Variants in LHFPL6 observed in about 807,000 individuals in gnomAD.
The protein encoded by LHFPL6 is LHFPL tetraspan subfamily member 6 protein.
LHFPL6 carries 9 observed loss-of-function variants against 20.6 expected under a neutral mutation model. That is an observed-to-expected ratio of 0.44 (90% CI 0.26 to 0.76). LHFPL6 has a LOEUF of 0.76. Among genes scored for constraint, LHFPL6 ranks in the 30% least tolerant of loss-of-function variants. The pLI is 0.20. For missense variants in LHFPL6, 218 were observed against 253.5 expected, an observed-to-expected ratio of 0.86 and a Z score of 0.95; for synonymous variants, 105 against 98.7, an observed-to-expected ratio of 1.06 and a Z score of -0.38.
intron 2 of LHFPL6, among the ~76,000 whole-genome samples, chr13:39,467,127 T>C (rs1441780657): frequency 1.3e-5 from 2 of 152,152 alleles, no homozygotes; most frequent in African/African-American, 4.8e-5. Flanking sequence ...TCCATCTTCT[T>C]TGTGTCCCCA....
chr13:39,585,202 A>C (rs1275727741), intron 2 of LHFPL6, among the ~76,000 whole-genome samples: 2 of 152,234 alleles, frequency 1.3e-5, no homozygotes, highest in Non-Finnish European at 2.9e-5. Context: ...AATACACAGA[A>C]ACAACTAGGA....
At chr13:39,369,605 CT>C (rs1566095689) in intron 3 of LHFPL6, among the ~76,000 whole-genome samples, 126 of 39,510 alleles carry the variant, frequency 3.2e-3, no homozygotes, top group Middle Eastern at 0.016. Context: ...CTTCCTCCCT[CT>C]CTCCCTCCCT....
rs1192075960 is a variant in LHFPL6, at chr13:39,352,990, A to ATT, written c.485-8938_485-8937dup. ...ACACACACATATATATATATATATA[A>ATT]TTTTTTTTTTTTTTTTGAGACAGAG... On this transcript the variant is annotated intron_variant, in intron 3 of 3. Coordinates refer to ENST00000379589, the MANE Select transcript of LHFPL6 (RefSeq NM_005780.3). Among the ~76,000 whole-genome samples the ATT allele has an allele frequency of 2.1e-3, 176 of 84,190 alleles. 1 individual carries two copies. The highest frequency in any genetic ancestry group is 6.4e-3 in the Middle Eastern group (1 of 156). 55.2% of individuals were successfully genotyped at this position (84,190 alleles called of 152,430 possible). A position where few individuals can be genotyped will look rare whatever the true frequency, so the allele number is the denominator to read the frequency against.
At chr13:39,585,399 C>A (rs1461771294) in intron 2 of LHFPL6, among the ~76,000 whole-genome samples, 1 of 152,138 alleles carries the variant, frequency 6.6e-6, no homozygotes, top group Non-Finnish European at 1.5e-5. Context: ...TGTGTCACGG[C>A]CTTCAATGCA....
intron 2 of LHFPL6, among the ~76,000 whole-genome samples, chr13:39,599,901 C>T (rs1192300224): frequency 6.6e-6 from 1 of 152,106 alleles, no homozygotes; most frequent in African/African-American, 2.4e-5. Flanking sequence ...TAATGAAGTT[C>T]CAAATACATT....
Position 39,544,970 on chromosome 13 carries a change from C to G in LHFPL6, c.385+55862G>C, listed in dbSNP as rs961853827. Among the ~76,000 whole-genome samples, 123 of 151,638 alleles carry G rather than the reference C, an allele frequency of 8.1e-4. 2 individuals carry two copies. The highest frequency in any genetic ancestry group is 2.9e-3 in the African/African-American group (120 of 41,240). ...AAAAAGTGACCAAGGGGGCCGGGCA[C>G]AGTGGCTCACACCTGTAATCCCAGC... is the stretch of plus-strand genomic sequence containing the variant. On this transcript the variant is annotated intron_variant, in intron 2 of 3. Transcript: ENST00000379589.
Position 39,552,776 on chromosome 13 carries a change from C to T in LHFPL6, c.385+48056G>A, listed in dbSNP as rs547712676. Among the ~76,000 whole-genome samples, 13 of 152,308 alleles carry T rather than the reference C, an allele frequency of 8.5e-5. No homozygotes were observed. In the East Asian group the frequency reaches 2.5e-3, roughly 29 times the overall value. ...AAGCTTCTGAAGTGAAGGTCTCCAC[C>T]CAAAGACAATGAAGGCACAGTTACA... On this transcript the variant is annotated intron_variant, in intron 2 of 3. Transcript: ENST00000379589.
chr13:39,596,487 A>C (rs1332233554), intron 2 of LHFPL6, among the ~76,000 whole-genome samples: 1 of 152,168 alleles, frequency 6.6e-6, no homozygotes, highest in Admixed American at 6.6e-5. Context: ...ACTGACAGAA[A>C]TTCTGCAATC....
rs533885683 is a variant in LHFPL6, at chr13:39,595,684, T to C, written c.385+5148A>G. Reference sequence around the variant, plus strand: ...CCATCTGAAGCTTGCTCCTTTATATTATCAGTGTTCGTGGTTGTGATGAAA... The same window carrying C: ...CCATCTGAAGCTTGCTCCTTTATATCATCAGTGTTCGTGGTTGTGATGAAA... On this transcript the variant is annotated intron_variant, in intron 2 of 3. Coordinates refer to ENST00000379589, the MANE Select transcript of LHFPL6 (RefSeq NM_005780.3). Among the ~76,000 whole-genome samples, 772 of 136,636 alleles carry C rather than the reference T, an allele frequency of 5.7e-3. 2 individuals are homozygous for C. Among genetic ancestry groups the C allele is most frequent in the Non-Finnish European group, 0.01 (640 of 62,434 alleles). The allele number at this position is 136,636 out of a possible 152,430, so 89.6% of individuals were successfully genotyped here.
At chr13:39,420,260 G>A (rs1871446535) in intron 2 of LHFPL6, among the ~76,000 whole-genome samples, 1 of 152,156 alleles carries the variant, frequency 6.6e-6, no homozygotes, top group African/African-American at 2.4e-5. Context: ...TACAGAGTAC[G>A]CCTTTGCCCA....
intron 2 of LHFPL6, among the ~76,000 whole-genome samples, chr13:39,427,057 T>TAA (rs527894114): frequency 2.9e-4 from 40 of 139,466 alleles, no homozygotes; most frequent in Middle Eastern, 3.6e-3. Flanking sequence ...TGCATCTTTG[T>TAA]AAAAAAAAAA....
chr13:39,352,960 T>TAC lies in LHFPL6; in HGVS notation c.485-8908_485-8907dup, dbSNP rs1306962467. ...ATGTGTGTATATATATATACATACA[T>TAC]ACACACACACACATATATATATATA... On this transcript the variant is annotated intron_variant, in intron 3 of 3. Coordinates refer to ENST00000379589, the MANE Select transcript of LHFPL6 (RefSeq NM_005780.3). Among the ~76,000 whole-genome samples the TAC allele has an allele frequency of 3.6e-4, 31 of 86,826 alleles. 4 individuals are homozygous for TAC. The highest frequency in any genetic ancestry group is 1.3e-3 in the African/African-American group (25 of 18,874). The allele number at this position is 86,826 out of a possible 152,430, so 57.0% of individuals were successfully genotyped here.
At chr13:39,550,459 A>G (rs1162302469) in intron 2 of LHFPL6, among the ~76,000 whole-genome samples, 1 of 152,148 alleles carries the variant, frequency 6.6e-6, no homozygotes, top group Non-Finnish European at 1.5e-5. Context: ...TCCATCAGAA[A>G]AACTGTGTTT....
At chr13:39,540,826 C>T (rs1336805572) in intron 2 of LHFPL6, among the ~76,000 whole-genome samples, 1 of 152,112 alleles carries the variant, frequency 6.6e-6, no homozygotes, top group Non-Finnish European at 1.5e-5. Context: ...TCTTTATTAA[C>T]TTGGATAAAG....
chr13:39,559,533 C>A lies in LHFPL6; in HGVS notation c.385+41299G>T, dbSNP rs141089423. ...AAGCCCCACTTCCTCCAGTGCCATT[C>A]CTTTCTACCAAGGATAACATAGCTC... On this transcript the variant is annotated intron_variant, in intron 2 of 3. Transcript: ENST00000379589. Among the ~76,000 whole-genome samples the A allele has an allele frequency of 1.2e-4, 18 of 152,288 alleles. No homozygotes were observed. The East Asian group carries it at 3.5e-3, about 29-fold the overall frequency.
intron 2 of LHFPL6, among the ~76,000 whole-genome samples, chr13:39,597,420 T>C (rs1477389476): frequency 6.6e-6 from 1 of 152,246 alleles, no homozygotes; most frequent in Non-Finnish European, 1.5e-5. Flanking sequence ...TTTTTAAAAT[T>C]CTGTTAAAGT....
At chr13:39,347,722 T>G (rs939600904) in intron 3 of LHFPL6, among the ~76,000 whole-genome samples, 1 of 152,236 alleles carries the variant, frequency 6.6e-6, no homozygotes, top group African/African-American at 2.4e-5. Flanking sequence ...ATAATCTCCA[T>G]TTTGAATTAT....
chr13:39,451,807 C>T (rs1347202932), intron 2 of LHFPL6, among the ~76,000 whole-genome samples: 1 of 152,046 alleles, frequency 6.6e-6, no homozygotes, highest in Non-Finnish European at 1.5e-5. Flanking sequence ...ACTAATATTC[C>T]TAAAGATCTA....
intron 2 of LHFPL6, among the ~76,000 whole-genome samples, chr13:39,502,680 T>G (rs1234926537): frequency 6.6e-6 from 1 of 152,016 alleles, no homozygotes; most frequent in Non-Finnish European, 1.5e-5. Context: ...GAACACAGGA[T>G]CTTTAAAAAG....
Sources: allele counts gnomAD v4.1 joint callset (sites outside exome capture counted in the v4.1 genomes callset), GRCh38; gene constraint gnomAD v4.1.1; transcripts MANE v1.5; gene names NCBI Gene and HGNC (gene_info 2026-07-23, HGNC 2026-07-21).